The following JAKMIP1 variants were observed in gnomAD, a reference collection of about 807,000 sequenced individuals.
JAKMIP1 encodes janus kinase and microtubule interacting protein 1.
A neutral mutation model predicts 113.0 loss-of-function variants in JAKMIP1; 33 were observed. That is an observed-to-expected ratio of 0.29 (90% confidence interval 0.22 to 0.39). The LOEUF is 0.39. Among genes scored for constraint, JAKMIP1 ranks in the 10% least tolerant of loss-of-function variants. The pLI, the probability that JAKMIP1 is intolerant of heterozygous loss-of-function variation, is 1.00. For missense variants in JAKMIP1, 813 were observed against 1,080.5 expected (o/e 0.75, Z 3.47); for synonymous variants, 480 against 459.9 (o/e 1.04, Z -0.56).
chr4:6,079,315 G>A (rs1720161963), intron 7 of JAKMIP1, among the ~76,000 whole-genome samples: 1 of 152,198 alleles, frequency 6.6e-6, no homozygotes, highest in African/African-American at 2.4e-5. Context: ...TGAAAGAATG[G>A]GTGAGTGGAT....
rs1259924342 is a variant in JAKMIP1, at chr4:6,141,850, G to T, written c.-147-28853C>A. 2.0e-5 allele frequency among the ~76,000 whole-genome samples: 3 copies of T among 152,236 alleles called. No homozygotes were observed. The highest frequency in any genetic ancestry group is 7.2e-5 in the African/African-American group (3 of 41,456). On this transcript the variant is annotated intron_variant, in intron 1 of 20. Transcript: ENST00000409021. This position sits in a 1 kb window ranked among gnomAD's most constrained non-coding sequence, Gnocchi z 9.4. ...GTTGATGTGGAAACCACTCATTTCT[G>T]CTGTCAGGCTCTGGCATGGAGAGGC...
At chr4:6,170,888 TCCA>T (rs1014818184) in intron 1 of JAKMIP1, among the ~76,000 whole-genome samples, 4 of 126,222 alleles carry the variant, frequency 3.2e-5, no homozygotes, top group Non-Finnish European at 5.1e-5. Context: ...CTCCATCACC[TCCA>T]CCACCACCAT....
At chr4:6,128,360 G>A (rs1442640333) in intron 1 of JAKMIP1, among the ~76,000 whole-genome samples, 1 of 152,210 alleles carries the variant, frequency 6.6e-6, no homozygotes, top group Non-Finnish European at 1.5e-5. Flanking sequence ...CCACAGGTGT[G>A]TTCTCCAAAT....
Position 6,150,897 on chromosome 4 carries a change from G to A in JAKMIP1, c.-147-37900C>T, listed in dbSNP as rs547677015. On this transcript the variant is annotated intron_variant, in intron 1 of 20. Coordinates refer to ENST00000409021, the MANE Select transcript of JAKMIP1 (RefSeq NM_001099433.2). This position sits in a 1 kb window ranked among gnomAD's most constrained non-coding sequence, Gnocchi z 4.8. ...CAGTGCAACACCTGAAGCAGTCAGCGTTGAGTGTGCCCAGGTGACACACAT... is the reference window on the plus strand; with the variant it reads ...CAGTGCAACACCTGAAGCAGTCAGCATTGAGTGTGCCCAGGTGACACACAT... Among the ~76,000 whole-genome samples, 23 of 152,274 alleles carry A rather than the reference G, an allele frequency of 1.5e-4. No homozygotes were observed. The highest frequency in any genetic ancestry group is 4.2e-4 in the South Asian group (2 of 4,818).
In JAKMIP1 at chr4:6,178,102, C is replaced by T. The variant is rs1202472575; in HGVS notation, c.-148+22151G>A. ...CCCACTTCATGCTTCCTGTCCCCGA[C>T]CCTCCTCCCTGGAGGGGAGGGATAG... On this transcript the variant is annotated intron_variant, in intron 1 of 20. Coordinates refer to ENST00000409021, the MANE Select transcript of JAKMIP1 (RefSeq NM_001099433.2). This position sits in a 1 kb window ranked among gnomAD's most constrained non-coding sequence, Gnocchi z 5.5. Among the ~76,000 whole-genome samples, 1 of 152,234 alleles carries T rather than the reference C, an allele frequency of 6.6e-6. No homozygotes were observed. The highest frequency in any genetic ancestry group is 1.5e-5 in the Non-Finnish European group (1 of 68,048).
chr4:6,151,957 T>A (rs1290708666), intron 1 of JAKMIP1, among the ~76,000 whole-genome samples: 1 of 152,222 alleles, frequency 6.6e-6, no homozygotes, highest in Non-Finnish European at 1.5e-5. Context: ...GTTGTTATGA[T>A]GACTTTTACT....
rs1463711045 is a variant in JAKMIP1, at chr4:6,187,122, GC to G, written c.-148+13130del. Among the ~76,000 whole-genome samples, 1 of 152,086 alleles carries G rather than the reference GC, an allele frequency of 6.6e-6. No individual in the cohort carries two copies. Among genetic ancestry groups the G allele is most frequent in the African/African-American group, 2.4e-5 (1 of 41,402 alleles). ...TAGGATTTCAGGCATGAGCCACCAT[GC>G]CCAGCCCACTTCTGTCAGTTTTTGC... On this transcript the variant is annotated intron_variant, in intron 1 of 20. Coordinates refer to ENST00000409021, the MANE Select transcript of JAKMIP1 (RefSeq NM_001099433.2). This position sits in a 1 kb window ranked among gnomAD's most constrained non-coding sequence, Gnocchi z 4.2.
chr4:6,104,932 G>A (rs528047603), intron 3 of JAKMIP1, among the ~76,000 whole-genome samples: 3 of 152,140 alleles, frequency 2.0e-5, no homozygotes, highest in Non-Finnish European at 2.9e-5. Flanking sequence ...TCCTCAGCCC[G>A]CACCCAGAAT....
In JAKMIP1 at chr4:6,064,977, T is replaced by C. The variant is rs1717854795; in HGVS notation, c.1334A>G (p.Asp445Gly). 6.2e-7 allele frequency: 1 copy of C among 1,614,008 alleles called. No individual in the cohort carries two copies. Among genetic ancestry groups the C allele is most frequent in the Non-Finnish European group, 8.5e-7 (1 of 1,180,020 alleles). ...CGTTTCTGAGTCCACAGACTCCTCA[T>C]CAAATCCAAAAAATGTCTCCACAAC... The part of the protein sequence containing the change: ...KHVVETFFGF[D>G]EESVDSETLS... Residue 445 changes from aspartate to glycine, a missense_variant, in exon 9 of 21, where the codon GAT becomes GGT. Transcript: ENST00000409021. The surrounding 1 kb of genome is among the most constrained non-coding windows in gnomAD (Gnocchi z 4.3).
chr4:6,047,932 T>G (rs1421909582), intron 16 of JAKMIP1, among the ~76,000 whole-genome samples: 2 of 152,240 alleles, frequency 1.3e-5, no homozygotes, highest in Non-Finnish European at 2.9e-5. Flanking sequence ...TTTTAATATG[T>G]AAAGCACTCA....
chr4:6,044,837 T>G lies in JAKMIP1; in HGVS notation c.2029-2610A>C, dbSNP rs912265040. On this transcript the variant is annotated intron_variant, in intron 16 of 20. Coordinates refer to ENST00000409021, the MANE Select transcript of JAKMIP1 (RefSeq NM_001099433.2). This position sits in a 1 kb window ranked among gnomAD's most constrained non-coding sequence, Gnocchi z 4.4. The stretch of plus-strand genomic sequence containing the variant: ...CCCCCGACCACGTGAGATCAGAAAT[T>G]TAATATCAAAGAGTTTGGCCAGATA... 1.3e-5 allele frequency among the ~76,000 whole-genome samples: 2 copies of G among 152,092 alleles called. No individual in the cohort carries two copies. Among genetic ancestry groups the G allele is most frequent in the African/African-American group, 4.8e-5 (2 of 41,414 alleles).
chr4:6,054,656 A>C (rs1405801781), intron 12 of JAKMIP1: 1 of 437,764 alleles, frequency 2.3e-6, no homozygotes, highest in African/African-American at 2.0e-5. Flanking sequence ...GAGTTCTCTG[A>C]GAGCGCAGAT....
At chr4:6,073,242 G>A (rs763320660) in intron 8 of JAKMIP1, among the ~76,000 whole-genome samples, 7 of 152,084 alleles carry the variant, frequency 4.6e-5, no homozygotes, top group Non-Finnish European at 1.0e-4. Flanking sequence ...GTGGGGCTAG[G>A]AGTCAAGTTT....
Position 6,185,812 on chromosome 4 carries a change from T to C in JAKMIP1, c.-148+14441A>G, listed in dbSNP as rs1301260712. 6.6e-6 allele frequency among the ~76,000 whole-genome samples: 1 copy of C among 152,184 alleles called. No individual in the cohort carries two copies. Among genetic ancestry groups the C allele is most frequent in the Non-Finnish European group, 1.5e-5 (1 of 68,016 alleles). ...ATCTGTTCACTACAAACCCTCCTGA[T>C]TAAGGCTCATTAAGGCAGGTGTTCT... On this transcript the variant is annotated intron_variant, in intron 1 of 20. Coordinates refer to ENST00000409021, the MANE Select transcript of JAKMIP1 (RefSeq NM_001099433.2). This position sits in a 1 kb window ranked among gnomAD's most constrained non-coding sequence, Gnocchi z 5.3.
In JAKMIP1 at chr4:6,108,045, C is replaced by A. The variant is rs1013117049; in HGVS notation, c.130-2078G>T. The stretch of plus-strand genomic sequence containing the variant: ...GTGGGCAGAGGCCTGTGCAGGGCAG[C>A]CCGGGGCGTCTAGGGGCTGCTTCCT... On this transcript the variant is annotated intron_variant, in intron 2 of 20. Transcript: ENST00000409021. The surrounding 1 kb of genome is among the most constrained non-coding windows in gnomAD (Gnocchi z 5.6). Among the ~76,000 whole-genome samples, 1 of 152,138 alleles carries A rather than the reference C, an allele frequency of 6.6e-6. No individual in the cohort carries two copies. The highest frequency in any genetic ancestry group is 6.5e-5 in the Admixed American group (1 of 15,276).
At chr4:6,038,266 A>T (rs57971033) in intron 18 of JAKMIP1, among the ~76,000 whole-genome samples, 300 of 89,390 alleles carry the variant, frequency 3.4e-3, no homozygotes, top group Middle Eastern at 0.016. Flanking sequence ...TAGCCCTCCA[A>T]CACCGAGGCA....
intron 1 of JAKMIP1, among the ~76,000 whole-genome samples, chr4:6,164,523 T>C (rs999882647): frequency 1.3e-5 from 2 of 152,224 alleles, no homozygotes; most frequent in Non-Finnish European, 2.9e-5. Flanking sequence ...AATTTTGATG[T>C]TTAAGTAGTA....
At position 6,029,964 on chromosome 4, in the gene JAKMIP1, C is replaced by G. The variant is rs968309711; in HGVS notation, c.2380-183G>C. Among the ~76,000 whole-genome samples, 4 of 152,270 alleles carry G rather than the reference C, an allele frequency of 2.6e-5. No homozygotes were observed. The East Asian group carries it at 7.7e-4, about 29-fold the overall frequency. On this transcript the variant is annotated intron_variant, in intron 19 of 20. Transcript: ENST00000409021. ...CCGCCCAAAGCAAGACAGAGAGCAT[C>G]CCAGCTCCCAGGAGGCCTTGGTCCC...
At position 6,029,716 on chromosome 4, in the gene JAKMIP1, CT is replaced by C; in HGVS notation, c.2444del (p.Lys815SerfsTer11). 1 of 1,596,848 alleles carries C rather than the reference CT, an allele frequency of 6.3e-7. No homozygotes were observed. The highest frequency in any genetic ancestry group is 8.5e-7 in the Non-Finnish European group (1 of 1,169,956). On this transcript the variant is annotated frameshift_variant and splice_region_variant, in exon 20 of 21. Coordinates refer to ENST00000409021, the MANE Select transcript of JAKMIP1 (RefSeq NM_001099433.2). LOFTEE classifies it high-confidence loss of function. ...QKRHLKELEE[K>X]FLFLFLFFSL... ...GACAGTCTGAGCTGCAGTCACCTAC[CT>C]TTTCCTCCAGTTCTTTCAGGTGCCG... is the stretch of plus-strand genomic sequence containing the variant.
Sources: allele counts gnomAD v4.1 joint callset (sites outside exome capture counted in the v4.1 genomes callset), GRCh38; gene constraint gnomAD v4.1.1; non-coding constraint Gnocchi (gnomAD v3.1); transcripts MANE v1.5; gene names NCBI Gene and HGNC (gene_info 2026-07-23, HGNC 2026-07-21).